CSMD1: variants seen among roughly 807,000 people sequenced by gnomAD.
CSMD1 encodes the protein CUB and sushi domain-containing protein 1.
In CSMD1, 213 loss-of-function variants were observed where a neutral mutation model predicts 417.5. The observed-to-expected ratio is 0.51, with a 90% CI of 0.46 to 0.57. The LOEUF (loss-of-function observed/expected upper bound fraction) is 0.57, where lower values mean the gene tolerates loss of function less well. Ranked by LOEUF, CSMD1 falls within the 20% of genes least tolerant of loss-of-function variation. The pLI, the probability that CSMD1 is intolerant of heterozygous loss-of-function variation, is 0.00. For missense variants in CSMD1, 6,923 were observed against 4,529.7 expected, an observed-to-expected ratio of 1.53 and a Z score of -15.17; for synonymous variants, 2,862 against 1,736.8, an observed-to-expected ratio of 1.65 and a Z score of -16.11.
chr8:3,423,992 G>C lies in CSMD1; in HGVS notation c.1562-14387C>G, dbSNP rs960395112. Among the ~76,000 whole-genome samples the C allele has an allele frequency of 2.6e-5, 4 of 152,054 alleles. No homozygotes were observed. In the South Asian group the frequency reaches 8.3e-4, roughly 32 times the overall value. On this transcript the variant is annotated intron_variant, in intron 12 of 69. Transcript: ENST00000635120. ...AAGATTCACAGTACCAGTTTTCTTT[G>C]TTGGTGAAAAAGTGGTCTCTCCAAG... is the stretch of plus-strand genomic sequence containing the variant.
intron 3 of CSMD1, among the ~76,000 whole-genome samples, chr8:4,055,662 T>C (rs1057408283): frequency 6.6e-6 from 1 of 152,108 alleles, no homozygotes; most frequent in African/African-American, 2.4e-5. Flanking sequence ...TTAATGTAAT[T>C]ATAAATGCCA....
intron 5 of CSMD1, among the ~76,000 whole-genome samples, chr8:3,957,947 G>C (rs73658507): frequency 0.017 from 2,618 of 152,028 alleles, 84 homozygotes; most frequent in African/African-American, 0.06. Context: ...AATCCTGCAG[G>C]GTATAAAATA....
At position 4,186,311 on chromosome 8, in the gene CSMD1, C is replaced by T. The variant is rs77602583; in HGVS notation, c.416-154212G>A. ...GCCCGTGTTCAAGGTTGGGGGCAGT[C>T]AGCTTTCCAACTGGGACTCCTCATG... On this transcript the variant is annotated intron_variant, in intron 3 of 69. Coordinates refer to ENST00000635120, the MANE Select transcript of CSMD1 (RefSeq NM_033225.6). Among the ~76,000 whole-genome samples, 274 of 152,166 alleles carry T rather than the reference C, an allele frequency of 1.8e-3. 1 individual carries two copies. The highest frequency in any genetic ancestry group is 6.4e-3 in the African/African-American group (267 of 41,520).
chr8:3,683,053 G>C (rs565421027), intron 7 of CSMD1, among the ~76,000 whole-genome samples: 2 of 152,112 alleles, frequency 1.3e-5, no homozygotes, highest in East Asian at 1.9e-4. Context: ...TTGTGGGGTG[G>C]GGGTAGAGGG....
chr8:4,970,048 A>C (rs1221978339), intron 1 of CSMD1, among the ~76,000 whole-genome samples: 1 of 152,156 alleles, frequency 6.6e-6, no homozygotes, highest in Non-Finnish European at 1.5e-5. Flanking sequence ...TGAATGTCCA[A>C]TAATAGCACA....
intron 52 of CSMD1, among the ~76,000 whole-genome samples, chr8:3,009,177 G>A (rs186987434): frequency 3.9e-5 from 6 of 152,154 alleles, no homozygotes; most frequent in Non-Finnish European, 5.9e-5. Context: ...TCCCACACAC[G>A]CACTTTTGCC....
At chr8:3,652,122 T>C (rs1287248278) in intron 7 of CSMD1, among the ~76,000 whole-genome samples, 5 of 66,030 alleles carry the variant, frequency 7.6e-5, no homozygotes, top group African/African-American at 1.3e-4. Flanking sequence ...ACGCTTACCA[T>C]CAGAGCGCTT....
intron 2 of CSMD1, among the ~76,000 whole-genome samples, chr8:4,495,743 G>T (rs1370459690): frequency 6.7e-6 from 1 of 148,886 alleles, no homozygotes; most frequent in Non-Finnish European, 1.5e-5. Flanking sequence ...TTGTTGATTT[G>T]GTGAGATCTC....
At chr8:3,508,371 G>T (rs564949980) in intron 10 of CSMD1, among the ~76,000 whole-genome samples, 13 of 151,804 alleles carry the variant, frequency 8.6e-5, no homozygotes, top group Non-Finnish European at 1.3e-4. Context: ...GCAGGGGGAG[G>T]GGGGAGGGAT....
chr8:4,711,577 A>C (rs1024941741), intron 1 of CSMD1, among the ~76,000 whole-genome samples: 11 of 152,292 alleles, frequency 7.2e-5, no homozygotes, highest in African/African-American at 2.2e-4. Flanking sequence ...ATTTGAAAAA[A>C]AAATATATTG....
intron 3 of CSMD1, among the ~76,000 whole-genome samples, chr8:4,062,670 C>G (rs1799038246): frequency 6.6e-6 from 1 of 151,994 alleles, no homozygotes; most frequent in Admixed American, 6.6e-5. Context: ...AACACAGATT[C>G]CTTGTGCAAG....
chr8:4,690,091 T>C (rs1584949240), intron 1 of CSMD1, among the ~76,000 whole-genome samples: 1 of 152,248 alleles, frequency 6.6e-6, no homozygotes, highest in South Asian at 2.1e-4. Flanking sequence ...AAGCCTTCTA[T>C]AATTTGTTTT....
intron 1 of CSMD1, among the ~76,000 whole-genome samples, chr8:4,643,603 C>T (rs933218486): frequency 2.6e-5 from 4 of 152,120 alleles, no homozygotes; most frequent in African/African-American, 7.2e-5. Context: ...CTAAGGAGTA[C>T]GACAGACTTC....
At chr8:4,721,224 G>T (rs1029193895) in intron 1 of CSMD1, among the ~76,000 whole-genome samples, 1 of 152,066 alleles carries the variant, frequency 6.6e-6, no homozygotes, top group Non-Finnish European at 1.5e-5. Context: ...TGAAACATAG[G>T]AATTGTGTTT....
intron 7 of CSMD1, chr8:3,704,731 G>A (rs73185326): frequency 6.6e-6 from 1 of 152,134 alleles, no homozygotes; most frequent in Non-Finnish European, 1.5e-5. Flanking sequence ...TAGACAACCA[G>A]ACCACTGACC....
chr8:3,323,861 CA>C (rs1382094884), intron 23 of CSMD1, among the ~76,000 whole-genome samples: 4 of 142,608 alleles, frequency 2.8e-5, no homozygotes, highest in East Asian at 2.5e-4. Flanking sequence ...ACACATCTAA[CA>C]CCCAGAGACC....
chr8:4,396,134 G>T (rs1434035307), intron 3 of CSMD1, among the ~76,000 whole-genome samples: 1 of 152,058 alleles, frequency 6.6e-6, no homozygotes, highest in Non-Finnish European at 1.5e-5. Flanking sequence ...TAATGGGAAT[G>T]TATGCTAAAT....
At chr8:4,904,985 T>A (rs1269358300) in intron 1 of CSMD1, among the ~76,000 whole-genome samples, 1 of 152,088 alleles carries the variant, frequency 6.6e-6, no homozygotes, top group Non-Finnish European at 1.5e-5. Context: ...ATAGTACAAT[T>A]TGCAAAGGTA....
intron 3 of CSMD1, among the ~76,000 whole-genome samples, chr8:4,305,576 A>G (rs145627614): frequency 4.6e-5 from 7 of 152,300 alleles, no homozygotes; most frequent in East Asian, 3.9e-4. Flanking sequence ...GAAAGAATGA[A>G]AAAGAGTAAA....
Sources: allele counts gnomAD v4.1 joint callset (sites outside exome capture counted in the v4.1 genomes callset), GRCh38; gene constraint gnomAD v4.1.1; transcripts MANE v1.5; gene names NCBI Gene and HGNC (gene_info 2026-07-23, HGNC 2026-07-21).